The following TBL1XR1 variants were observed in gnomAD, a reference collection of about 807,000 sequenced individuals.
TBL1XR1 encodes TBL1X/Y related 1.
In TBL1XR1, 5 loss-of-function variants were observed where a neutral mutation model predicts 66.9. That is an observed-to-expected ratio of 0.07 (90% CI 0.04 to 0.16). The LOEUF is 0.16. Among genes scored for constraint, TBL1XR1 ranks in the 10% least tolerant of loss-of-function variants. The pLI is 1.00. For synonymous variants in TBL1XR1, 210 were observed against 206.0 expected (o/e 1.02, Z -0.17); for missense variants, 238 against 623.2 (o/e 0.38, Z 6.58).
intron 1 of TBL1XR1, among the ~76,000 whole-genome samples, chr3:177,140,389 C>CAG (rs1170300738): frequency 1.3e-5 from 2 of 152,158 alleles, no homozygotes; most frequent in Non-Finnish European, 2.9e-5. Context: ...GGTGAGCAGC[C>CAG]AGAGGCCTTT....
chr3:177,034,692 G>T (rs1292168718), intron 12 of TBL1XR1, among the ~76,000 whole-genome samples: 2 of 151,576 alleles, frequency 1.3e-5, no homozygotes. Flanking sequence ...TTTAGAATCA[G>T]GAAAATTTTA....
At chr3:177,061,059 T>C (rs1718458487) in intron 3 of TBL1XR1, among the ~76,000 whole-genome samples, 2 of 152,334 alleles carry the variant, frequency 1.3e-5, no homozygotes, top group African/African-American at 2.4e-5. Flanking sequence ...GTGAACTTTC[T>C]AGTGATAAAA....
rs1576993212 is a variant in TBL1XR1 at position 177,037,962 on chromosome 3, G to A, written c.1122+136C>T. The A allele has an allele frequency of 7.7e-6, 5 of 653,292 alleles. No individual in the cohort carries two copies. The African/African-American group carries it at 9.2e-5, about 12-fold the overall frequency. The allele number at this position is 653,292 out of a possible 1,614,324, so 40.5% of individuals were successfully genotyped here. ...TATAAAATTTAAAAAACAATGGTTAGCCATTTAAAATGTTGGAGTTTTCAT... is the reference window on the plus strand; with the variant it reads ...TATAAAATTTAAAAAACAATGGTTAACCATTTAAAATGTTGGAGTTTTCAT... On this transcript the variant is annotated intron_variant, in intron 12 of 15. Transcript: ENST00000457928.
chr3:177,189,673 G>GT (rs543372662), intron 1 of TBL1XR1, among the ~76,000 whole-genome samples: 113 of 63,092 alleles, frequency 1.8e-3, no homozygotes, highest in African/African-American at 8.2e-3. Context: ...AAAGAAGGAT[G>GT]TAACACCAAA....
At chr3:177,159,984 T>C (rs988506492) in intron 1 of TBL1XR1, among the ~76,000 whole-genome samples, 6 of 152,180 alleles carry the variant, frequency 3.9e-5, no homozygotes, top group African/African-American at 1.4e-4. Context: ...TTTAACTTAA[T>C]ATAAAGTAGT....
chr3:177,058,883 A>T (rs192318069), intron 3 of TBL1XR1, among the ~76,000 whole-genome samples: 38 of 152,322 alleles, frequency 2.5e-4, no homozygotes, highest in African/African-American at 8.2e-4. Flanking sequence ...TCAGCAAAAA[A>T]TGGTAATTCA....
chr3:177,046,948 G>A (rs1249646638), intron 9 of TBL1XR1, among the ~76,000 whole-genome samples: 6 of 152,158 alleles, frequency 3.9e-5, no homozygotes, highest in Non-Finnish European at 4.4e-5. Flanking sequence ...AGTACCAGGA[G>A]TTCGGCTAAC....
intron 1 of TBL1XR1, among the ~76,000 whole-genome samples, chr3:177,111,717 G>C (rs943672429): frequency 7.9e-5 from 12 of 152,074 alleles, no homozygotes; most frequent in African/African-American, 2.4e-4. Context: ...CACGTGTCAG[G>C]AATCTCTTTG....
chr3:177,181,431 G>A (rs1734805572), intron 1 of TBL1XR1, among the ~76,000 whole-genome samples: 1 of 147,166 alleles, frequency 6.8e-6, no homozygotes, highest in African/African-American at 2.5e-5. Flanking sequence ...AGTAAGCCAA[G>A]AGCATGCCAC....
At chr3:177,148,664 G>C (rs1417084065) in intron 1 of TBL1XR1, among the ~76,000 whole-genome samples, 1 of 149,754 alleles carries the variant, frequency 6.7e-6, no homozygotes, top group African/African-American at 2.5e-5. Context: ...GCAGTGAGCC[G>C]AGATCACACT....
chr3:177,111,127 T>A (rs1039610095), intron 1 of TBL1XR1, among the ~76,000 whole-genome samples: 1 of 152,040 alleles, frequency 6.6e-6, no homozygotes, highest in Non-Finnish European at 1.5e-5. Flanking sequence ...CCAGGAGCTA[T>A]TGTCTTTGCA....
intron 1 of TBL1XR1, among the ~76,000 whole-genome samples, chr3:177,178,585 G>T (rs913372538): frequency 6.6e-6 from 1 of 152,152 alleles, no homozygotes; most frequent in African/African-American, 2.4e-5. Flanking sequence ...AGCACACTAA[G>T]CAGGTAATTC....
At chr3:177,118,482 A>G (rs1362547071) in intron 1 of TBL1XR1, among the ~76,000 whole-genome samples, 1 of 152,132 alleles carries the variant, frequency 6.6e-6, no homozygotes, top group Non-Finnish European at 1.5e-5. Flanking sequence ...AGCTTCTTAT[A>G]CTCACCCTTT....
At chr3:177,037,358 T>C (rs1714943721) in intron 12 of TBL1XR1, 1 of 152,216 alleles carries the variant, frequency 6.6e-6, no homozygotes. Context: ...ATTGGTGATG[T>C]CTAATTTTAT....
At chr3:177,039,114 G>A (rs1715217153) in intron 10 of TBL1XR1, among the ~76,000 whole-genome samples, 1 of 152,070 alleles carries the variant, frequency 6.6e-6, no homozygotes, top group African/African-American at 2.4e-5. Flanking sequence ...ATATTATAAG[G>A]TATATGTAAA....
chr3:177,103,707 CTT>C (rs1344529571), intron 1 of TBL1XR1, among the ~76,000 whole-genome samples: 3 of 152,080 alleles, frequency 2.0e-5, no homozygotes, highest in Admixed American at 6.5e-5. Context: ...ACAATAAAAA[CTT>C]ATTATTTAAG....
chr3:177,066,013 A>C lies in TBL1XR1; in HGVS notation c.-45-991T>G, dbSNP rs527417875. 3.3e-5 allele frequency among the ~76,000 whole-genome samples: 5 copies of C among 152,340 alleles called. 1 individual carries two copies. In the South Asian group the frequency reaches 1.0e-3, roughly 32 times the overall value. On this transcript the variant is annotated intron_variant, in intron 2 of 15. Coordinates refer to ENST00000457928, the MANE Select transcript of TBL1XR1 (RefSeq NM_024665.7). ...GATTCTTATAAAAGGAAAGCGAGCT[A>C]GATTTGGTCCACAGAGTGTAGTTTG...
chr3:177,168,174 A>C (rs746436479), intron 1 of TBL1XR1, among the ~76,000 whole-genome samples: 6 of 152,230 alleles, frequency 3.9e-5, no homozygotes, highest in Non-Finnish European at 7.3e-5. Flanking sequence ...AAAATAACTT[A>C]TGAATCCTCT....
chr3:177,156,518 TACACAC>T (rs35566193), intron 1 of TBL1XR1, among the ~76,000 whole-genome samples: 2,647 of 139,714 alleles, frequency 0.019, 65 homozygotes, highest in African/African-American at 0.06. Flanking sequence ...TATATATACA[TACACAC>T]ACACACACAC....
Sources: gnomAD v4.1 joint callset for allele counts (sites outside exome capture counted in the v4.1 genomes callset) on GRCh38, gnomAD v4.1.1 for gene constraint, MANE v1.5 for transcripts, NCBI Gene and HGNC (gene_info 2026-07-23, HGNC 2026-07-21) for gene names.